ROBO1: variants seen among roughly 807,000 people sequenced by gnomAD.
The protein encoded by ROBO1 is roundabout guidance receptor 1.
In ROBO1, 149 loss-of-function variants were observed where a neutral mutation model predicts 195.9. That is an observed-to-expected ratio of 0.76 (90% CI 0.67 to 0.87). The LOEUF (loss-of-function observed/expected upper bound fraction) is 0.87, where lower values mean the gene tolerates loss of function less well. Ranked by LOEUF, ROBO1 falls within the 40% of genes least tolerant of loss-of-function variation. ROBO1 has a pLI of 0.00. For missense variants in ROBO1, 1,933 were observed against 2,068.3 expected, an observed-to-expected ratio of 0.93 and a Z score of 1.27; for synonymous variants, 816 against 733.2, an observed-to-expected ratio of 1.11 and a Z score of -1.82.
chr3:78,823,187 T>C, intron 4 of ROBO1, among the ~76,000 whole-genome samples: 1 of 50,336 alleles, frequency 2.0e-5, no homozygotes, highest in East Asian at 7.0e-4. Context: ...TGATTTAAAA[T>C]GATTTTTTTT....
chr3:79,756,859 T>C (rs1197381384), intron 1 of ROBO1, among the ~76,000 whole-genome samples: 1 of 152,206 alleles, frequency 6.6e-6, no homozygotes, highest in Non-Finnish European at 1.5e-5. Flanking sequence ...ACTTTGTATC[T>C]CTGTGACTTT....
intron 1 of ROBO1, among the ~76,000 whole-genome samples, chr3:79,626,207 G>C (rs897681851): frequency 2.0e-5 from 3 of 152,186 alleles, no homozygotes; most frequent in African/African-American, 7.2e-5. Context: ...AGCACTTTGA[G>C]AGGCTGAGGT....
chr3:78,675,665 A>C (rs1485294616), intron 10 of ROBO1, among the ~76,000 whole-genome samples: 1 of 152,182 alleles, frequency 6.6e-6, no homozygotes, highest in East Asian at 1.9e-4. Flanking sequence ...AAACAAAGCC[A>C]CCTGGAAGCT....
chr3:79,083,327 T>C (rs1171273350), intron 3 of ROBO1, among the ~76,000 whole-genome samples: 2 of 152,154 alleles, frequency 1.3e-5, no homozygotes, highest in East Asian at 3.9e-4. Flanking sequence ...GGGGAAAATA[T>C]TAAATATTTT....
intron 2 of ROBO1, among the ~76,000 whole-genome samples, chr3:79,195,965 A>C (rs185832528): frequency 9.6e-4 from 146 of 151,780 alleles, no homozygotes; most frequent in African/African-American, 3.4e-3. Context: ...TTAGTTAATT[A>C]ACAGACACAT....
At chr3:79,303,330 T>A (rs182099127) in intron 2 of ROBO1, among the ~76,000 whole-genome samples, 1 of 152,154 alleles carries the variant, frequency 6.6e-6, no homozygotes, top group East Asian at 1.9e-4. Flanking sequence ...CATGCCCTGC[T>A]AATTTTTGTC....
At position 79,343,600 on chromosome 3, in the gene ROBO1, G is replaced by A. The variant is rs551067627; in HGVS notation, c.89-218061C>T. Among the ~76,000 whole-genome samples the A allele has an allele frequency of 3.9e-5, 6 of 152,264 alleles. No individual in the cohort carries two copies. In the South Asian group the frequency reaches 1.2e-3, roughly 32 times the overall value. On this transcript the variant is annotated intron_variant, in intron 2 of 30. Transcript: ENST00000464233. Reference sequence around the variant, plus strand: ...TGAGAAAGTTAGTGAGAAGTCTGCAGTAAACGTAAACGTGGAATACACCGC... The same window carrying A: ...TGAGAAAGTTAGTGAGAAGTCTGCAATAAACGTAAACGTGGAATACACCGC...
intron 3 of ROBO1, among the ~76,000 whole-genome samples, chr3:79,047,387 A>G (rs1255637587): frequency 2.0e-5 from 3 of 152,108 alleles, no homozygotes; most frequent in African/African-American, 7.2e-5. Context: ...AAAAAGTGCC[A>G]AGACTTTTGA....
At chr3:79,417,202 G>C (rs2038040824) in intron 2 of ROBO1, among the ~76,000 whole-genome samples, 1 of 152,112 alleles carries the variant, frequency 6.6e-6, no homozygotes. Context: ...GATTGTAAAA[G>C]ACATTGGGGT....
intron 2 of ROBO1, among the ~76,000 whole-genome samples, chr3:79,185,699 G>A (rs2081425094): frequency 6.6e-6 from 1 of 152,088 alleles, no homozygotes; most frequent in African/African-American, 2.4e-5. Flanking sequence ...TTAATTTGTT[G>A]TTGTCGTTCA....
At chr3:78,611,973 G>GT (rs1703841862) in intron 28 of ROBO1, among the ~76,000 whole-genome samples, 2 of 152,086 alleles carry the variant, frequency 1.3e-5, no homozygotes, top group African/African-American at 4.8e-5. Context: ...ATAAATTTCT[G>GT]TTTTTGAAGC....
At chr3:79,681,109 A>C (rs1946933289) in intron 1 of ROBO1, among the ~76,000 whole-genome samples, 1 of 152,182 alleles carries the variant, frequency 6.6e-6, no homozygotes, top group East Asian at 1.9e-4. Flanking sequence ...AACATTGAGT[A>C]GGAGCTGATA....
chr3:79,069,131 C>A (rs2079048010), intron 3 of ROBO1, among the ~76,000 whole-genome samples: 1 of 151,680 alleles, frequency 6.6e-6, no homozygotes, highest in African/African-American at 2.4e-5. Flanking sequence ...ACTAATATTC[C>A]AAATTCAACA....
intron 2 of ROBO1, among the ~76,000 whole-genome samples, chr3:79,565,354 G>A (rs191788362): frequency 1.4e-3 from 207 of 151,444 alleles, no homozygotes; most frequent in African/African-American, 4.8e-3. Context: ...AAAATTTAGA[G>A]AATACTTAAT....
intron 2 of ROBO1, among the ~76,000 whole-genome samples, chr3:79,322,626 T>G (rs2034031973): frequency 6.6e-6 from 1 of 152,156 alleles, no homozygotes; most frequent in African/African-American, 2.4e-5. Flanking sequence ...AACTCAAAAT[T>G]TATTTCCTAT....
intron 1 of ROBO1, among the ~76,000 whole-genome samples, chr3:79,690,826 T>C (rs1000555959): frequency 6.6e-6 from 1 of 151,818 alleles, no homozygotes; most frequent in Non-Finnish European, 1.5e-5. Context: ...TTAACATAAT[T>C]TGTCATCTTT....
At chr3:79,098,342 A>G (rs1576671111) in intron 3 of ROBO1, among the ~76,000 whole-genome samples, 2 of 151,928 alleles carry the variant, frequency 1.3e-5, no homozygotes, top group South Asian at 4.1e-4. Flanking sequence ...TGTATTCTAG[A>G]AGGAATTTTA....
chr3:79,697,298 G>A (rs1290860882), intron 1 of ROBO1, among the ~76,000 whole-genome samples: 5 of 151,354 alleles, frequency 3.3e-5, no homozygotes, highest in Admixed American at 6.6e-5. Context: ...ATGGTTAGAT[G>A]TAATAATCTA....
In ROBO1 at chr3:78,860,326, A is replaced by ATATATATATATATTT. The variant is rs376853384; in HGVS notation, c.499+78274_499+78275insAAATATATATATATA. Among the ~76,000 whole-genome samples, 427 of 93,460 alleles carry ATATATATATATATTT rather than the reference A, an allele frequency of 4.6e-3. 11 individuals carry two copies. Among genetic ancestry groups the ATATATATATATATTT allele is most frequent in the African/African-American group, 0.018 (400 of 22,172 alleles). The allele number at this position is 93,460 out of a possible 152,430, so 61.3% of individuals were successfully genotyped here. On this transcript the variant is annotated intron_variant, in intron 4 of 30. Transcript: ENST00000464233. ...ACTATATATATATATATATATATAT[A>ATATATATATATATTT]TTTTTTTTTTTTTACTCATAAGGTG...
Sources: gnomAD v4.1 joint callset for allele counts (sites outside exome capture counted in the v4.1 genomes callset) on GRCh38, gnomAD v4.1.1 for gene constraint, MANE v1.5 for transcripts, NCBI Gene and HGNC (gene_info 2026-07-23, HGNC 2026-07-21) for gene names.